DMD: variants seen among roughly 807,000 people sequenced by gnomAD.
DMD encodes dystrophin, also known as mutant dystrophin.
DMD carries 63 observed loss-of-function variants against 330.1 expected under a neutral mutation model. The observed-to-expected ratio is 0.19, with a 90% CI of 0.16 to 0.24. The LOEUF (loss-of-function observed/expected upper bound fraction) is 0.24, where lower values mean the gene tolerates loss of function less well. Ranked by LOEUF, DMD falls within the 10% of genes least tolerant of loss-of-function variation. The pLI, the probability that DMD is intolerant of heterozygous loss-of-function variation, is 1.00. For synonymous variants in DMD, 1,223 were observed against 959.8 expected, an observed-to-expected ratio of 1.27 and a Z score of -5.07; for missense variants, 3,344 against 2,684.1, an observed-to-expected ratio of 1.25 and a Z score of -5.43.
At chrX:32,949,718 A>G (rs1288834047) in intron 2 of DMD, among the ~76,000 whole-genome samples, 1 of 111,549 alleles carries the variant, frequency 9.0e-6, no homozygotes, top group Non-Finnish European at 1.9e-5. Context: ...ATCGCTTTTT[A>G]AAAATACTGA....
intron 44 of DMD, among the ~76,000 whole-genome samples, chrX:32,178,067 G>A (rs769715427): frequency 7.4e-5 from 8 of 108,386 alleles, no homozygotes; most frequent in Non-Finnish European, 1.1e-4. Flanking sequence ...ACAATGTTGC[G>A]GATGTTAGAA....
chrX:31,795,219 T>C (rs1469086370), intron 50 of DMD, among the ~76,000 whole-genome samples: 5 of 112,168 alleles, frequency 4.5e-5, no homozygotes, highest in Non-Finnish European at 9.4e-5. Context: ...GATAATCTCA[T>C]CCTCTTGGTT....
At chrX:31,929,317 C>T (rs2094822977) in intron 47 of DMD, among the ~76,000 whole-genome samples, 1 of 111,708 alleles carries the variant, frequency 9.0e-6, no homozygotes, top group Admixed American at 9.6e-5. Flanking sequence ...TTAAATACTT[C>T]GCCATTTCTT....
intron 1 of DMD, among the ~76,000 whole-genome samples, chrX:33,096,266 G>A (rs753860804): frequency 1.1e-4 from 12 of 110,748 alleles, no homozygotes; most frequent in African/African-American, 3.6e-4. Context: ...GAGCCACCGC[G>A]CCCGGCCTTC....
rs187937573 is a variant in DMD, at chrX:32,271,998, T to C, written c.6290+15531A>G. Among the ~76,000 whole-genome samples, 451 of 111,731 alleles carry C rather than the reference T, an allele frequency of 4.0e-3. 1 individual carries two copies. The highest frequency in any genetic ancestry group is 0.014 in the African/African-American group (422 of 30,805). On this transcript the variant is annotated intron_variant, in intron 43 of 78. Coordinates refer to ENST00000357033, the MANE Select transcript of DMD (RefSeq NM_004006.3). ...CTTATTATATACATTTAAGGGCTCA[T>C]CAATAAAATATTAACATGTATTGAA... is the stretch of plus-strand genomic sequence containing the variant.
At chrX:31,766,861 G>T (rs958888425) in intron 51 of DMD, among the ~76,000 whole-genome samples, 3 of 98,079 alleles carry the variant, frequency 3.1e-5, no homozygotes, top group African/African-American at 1.2e-4. Flanking sequence ...AGGAGACTTA[G>T]AAAATATGAT....
At chrX:31,431,818 C>A (rs2064112252) in intron 60 of DMD, among the ~76,000 whole-genome samples, 1 of 110,534 alleles carries the variant, frequency 9.0e-6, no homozygotes, top group Non-Finnish European at 1.9e-5. Context: ...TTCTCTCTCT[C>A]TCTTTCTTTC....
chrX:31,612,554 G>A (rs2077981186), intron 55 of DMD, among the ~76,000 whole-genome samples: 1 of 111,730 alleles, frequency 9.0e-6, no homozygotes, highest in Admixed American at 9.5e-5. Flanking sequence ...GAGGAGAAGA[G>A]AAGAGAGATG....
chrX:31,525,179 G>A (rs1313413333), intron 55 of DMD, among the ~76,000 whole-genome samples: 2 of 111,327 alleles, frequency 1.8e-5, no homozygotes, highest in Non-Finnish European at 3.8e-5. Context: ...CACATGGGGC[G>A]AATAAAATCT....
At chrX:33,176,550 A>C (rs1310132962) in intron 1 of DMD, among the ~76,000 whole-genome samples, 2 of 76,601 alleles carry the variant, frequency 2.6e-5, no homozygotes, top group African/African-American at 9.5e-5. Flanking sequence ...ACGAAAAAGC[A>C]AGCACAGAAG....
intron 7 of DMD, among the ~76,000 whole-genome samples, chrX:32,780,739 C>T (rs1163553309): frequency 9.1e-6 from 1 of 110,339 alleles, no homozygotes; most frequent in Non-Finnish European, 1.9e-5. Flanking sequence ...AAAATCCTAA[C>T]TGGTCTTCAC....
At chrX:33,239,869 T>C (rs2052558142) in intron 1 of DMD, among the ~76,000 whole-genome samples, 1 of 111,643 alleles carries the variant, frequency 9.0e-6, no homozygotes, top group African/African-American at 3.3e-5. Context: ...AATGATGTCA[T>C]ACGTGGAAAA....
intron 2 of DMD, among the ~76,000 whole-genome samples, chrX:32,909,712 C>T (rs1191233710): frequency 8.9e-6 from 1 of 111,983 alleles, no homozygotes; most frequent in Non-Finnish European, 1.9e-5. Flanking sequence ...TGAATTCAAT[C>T]AGTAGATAAG....
chrX:31,952,188 T>C (rs2095190172), intron 45 of DMD, among the ~76,000 whole-genome samples: 2 of 111,652 alleles, frequency 1.8e-5, no homozygotes, highest in Admixed American at 9.6e-5. Context: ...TCTTATGTTT[T>C]AGGGTATTGA....
At chrX:32,166,243 C>T (rs1260951340) in intron 44 of DMD, among the ~76,000 whole-genome samples, 2 of 110,451 alleles carry the variant, frequency 1.8e-5, no homozygotes, top group East Asian at 5.7e-4. Flanking sequence ...CTGCTTGAGC[C>T]CCGGAGTTCA....
chrX:32,863,555 C>T lies in DMD; in HGVS notation c.94-13735G>A, dbSNP rs1389511103. On this transcript the variant is annotated intron_variant, in intron 2 of 78. Transcript: ENST00000357033. The stretch of plus-strand genomic sequence containing the variant: ...GTGTTTATACACACACACACACACA[C>T]ACACACACACACACACACAAATACA... Among the ~76,000 whole-genome samples, 99 of 103,341 alleles carry T rather than the reference C, an allele frequency of 9.6e-4. 2 individuals are homozygous for T. Among genetic ancestry groups the T allele is most frequent in the African/African-American group, 3.6e-3 (96 of 26,829 alleles). 89.7% of individuals were successfully genotyped at this position (103,341 alleles called of 115,157 possible).
At chrX:31,472,118 T>C (rs1228297717) in intron 59 of DMD, among the ~76,000 whole-genome samples, 1 of 112,403 alleles carries the variant, frequency 8.9e-6, no homozygotes, top group Non-Finnish European at 1.9e-5. Flanking sequence ...GGCAATTCAT[T>C]TGTAGTTCTT....
chrX:32,591,110 C>T (rs1420887217), intron 13 of DMD, among the ~76,000 whole-genome samples: 1 of 109,286 alleles, frequency 9.2e-6, no homozygotes, highest in Non-Finnish European at 1.9e-5. Context: ...ATTCTCTCCC[C>T]AGCCTTCCAA....
intron 1 of DMD, among the ~76,000 whole-genome samples, chrX:33,188,741 G>A (rs1175175401): frequency 8.9e-6 from 1 of 111,928 alleles, no homozygotes; most frequent in East Asian, 2.8e-4. Context: ...AACCCCCATT[G>A]TCTCAGAATG....
Sources: allele counts gnomAD v4.1 joint callset (sites outside exome capture counted in the v4.1 genomes callset), GRCh38; gene constraint gnomAD v4.1.1; transcripts MANE v1.5; gene names NCBI Gene and HGNC (gene_info 2026-07-23, HGNC 2026-07-21).